The following RAB31 variants were observed in gnomAD, a reference collection of about 807,000 sequenced individuals.
RAB31 encodes ras-related protein Rab-31.
In RAB31, 21 loss-of-function variants were observed where a neutral mutation model predicts 25.6. The ratio of observed to expected loss-of-function variants is 0.82; its 90% CI spans 0.58 to 1.18. The LOEUF (loss-of-function observed/expected upper bound fraction) is 1.18. Ranked by LOEUF, RAB31 falls within the 50% of genes most tolerant of loss-of-function variation. The probability of loss-of-function intolerance (pLI) is 0.00; values close to 1 mark genes in which losing one functional copy is unlikely to be tolerated. For missense variants in RAB31, 196 were observed against 250.1 expected, an observed-to-expected ratio of 0.78 and a Z score of 1.46; for synonymous variants, 87 against 84.0, an observed-to-expected ratio of 1.04 and a Z score of -0.20.
intron 3 of RAB31, among the ~76,000 whole-genome samples, chr18:9,806,289 A>C (rs1050503519): frequency 6.6e-6 from 1 of 152,216 alleles, no homozygotes; most frequent in Non-Finnish European, 1.5e-5. Flanking sequence ...CTGGTTTCAC[A>C]GGGTTATTGA....
intron 5 of RAB31, among the ~76,000 whole-genome samples, chr18:9,840,826 T>A (rs2068729705): frequency 6.6e-6 from 1 of 152,134 alleles, no homozygotes; most frequent in South Asian, 2.1e-4. Context: ...TCTCCTCAAA[T>A]TCAGTAATTC....
intron 1 of RAB31, among the ~76,000 whole-genome samples, chr18:9,713,517 C>T (rs1263498304): frequency 6.6e-6 from 1 of 152,194 alleles, no homozygotes; most frequent in East Asian, 1.9e-4. Flanking sequence ...TGCACCCATC[C>T]CAGGCTGATG....
chr18:9,711,025 A>G (rs1030869224), intron 1 of RAB31, among the ~76,000 whole-genome samples: 2 of 151,952 alleles, frequency 1.3e-5, no homozygotes, highest in African/African-American at 4.8e-5. Context: ...AAGATTTGCC[A>G]CATCCCCTCG....
intron 1 of RAB31, among the ~76,000 whole-genome samples, chr18:9,763,356 G>T (rs866544424): frequency 6.6e-6 from 1 of 152,088 alleles, no homozygotes; most frequent in Non-Finnish European, 1.5e-5. Context: ...GAGATTATCA[G>T]ACATGGACTT....
intron 5 of RAB31, among the ~76,000 whole-genome samples, chr18:9,834,174 G>T (rs550205012): frequency 6.6e-6 from 1 of 151,962 alleles, no homozygotes; most frequent in African/African-American, 2.4e-5. Flanking sequence ...AGAGTACAAC[G>T]GTGTAATCTT....
At chr18:9,803,669 A>G (rs748204000) in intron 3 of RAB31, among the ~76,000 whole-genome samples, 6 of 152,202 alleles carry the variant, frequency 3.9e-5, no homozygotes, top group Non-Finnish European at 8.8e-5. Context: ...CTTTAAGGAG[A>G]AGCCCCAGGA....
At chr18:9,791,983 A>G (rs951440898) in intron 2 of RAB31, among the ~76,000 whole-genome samples, 171 bp from the exon 3 acceptor site, 3 of 152,152 alleles carry the variant, frequency 2.0e-5, no homozygotes, top group Non-Finnish European at 4.4e-5. Context: ...AAAATGAGAA[A>G]TATTTTATTT....
intron 5 of RAB31, among the ~76,000 whole-genome samples, chr18:9,826,165 T>C (rs1311258272): frequency 1.3e-5 from 2 of 151,516 alleles, no homozygotes; most frequent in East Asian, 3.9e-4. Context: ...TTACCTGAGG[T>C]TGGGAGTTCA....
At chr18:9,774,977 A>C in intron 1 of RAB31, 1 of 537,200 alleles carries the variant, frequency 1.9e-6, no homozygotes, top group Non-Finnish European at 3.6e-6. Context: ...CCAAGATTTC[A>C]GAATTTCTGA....
intron 2 of RAB31, 38 bp downstream of exon 2, chr18:9,775,395 C>A (rs781748688): frequency 1.2e-6 from 2 of 1,612,078 alleles, no homozygotes; most frequent in Middle Eastern, 1.7e-4. Context: ...GCGTTGCTTC[C>A]TTTCACGGCA....
intron 3 of RAB31, among the ~76,000 whole-genome samples, chr18:9,800,729 T>C (rs1455896798): frequency 6.6e-6 from 1 of 152,230 alleles, no homozygotes; most frequent in Non-Finnish European, 1.5e-5. Context: ...TGAAAATTGC[T>C]TTTGTCCACA....
At chr18:9,719,081 C>A (rs1408200800) in intron 1 of RAB31, among the ~76,000 whole-genome samples, 2 of 150,838 alleles carry the variant, frequency 1.3e-5, no homozygotes, top group East Asian at 3.9e-4. Context: ...ACCAGCCTGG[C>A]CAACATGGTG....
At chr18:9,773,914 G>T (rs1442265385) in intron 1 of RAB31, among the ~76,000 whole-genome samples, 1 of 152,050 alleles carries the variant, frequency 6.6e-6, no homozygotes, top group Admixed American at 6.6e-5. Context: ...TCCTGCTTTG[G>T]CCTCCCAAAG....
At chr18:9,729,706 A>G (rs899324388) in intron 1 of RAB31, among the ~76,000 whole-genome samples, 1 of 151,734 alleles carries the variant, frequency 6.6e-6, no homozygotes, top group African/African-American at 2.4e-5. Flanking sequence ...GTATTGATTA[A>G]TTCATAATCA....
intron 1 of RAB31, among the ~76,000 whole-genome samples, chr18:9,765,139 G>A (rs1469669040): frequency 1.3e-5 from 2 of 152,136 alleles, no homozygotes; most frequent in Non-Finnish European, 2.9e-5. Flanking sequence ...TTTTAGTAGA[G>A]ACAGGGTTTT....
intron 1 of RAB31, among the ~76,000 whole-genome samples, chr18:9,726,406 G>T (rs1444217472): frequency 6.6e-6 from 1 of 152,200 alleles, no homozygotes; most frequent in African/African-American, 2.4e-5. Context: ...ACTTGGGCAC[G>T]TATTCGCTGT....
At position 9,820,762 on chromosome 18, in the gene RAB31, T is replaced by C. The variant is rs146666858; in HGVS notation, c.380+5540T>C. ...GTGATGTCTCATTTTCCATTCCTAA[T>C]TTTAGAAATTTGAAACTTCTCTCTT... On this transcript the variant is annotated intron_variant, in intron 5 of 6. Transcript: ENST00000578921. Among the ~76,000 whole-genome samples the C allele has an allele frequency of 3.2e-4, 48 of 152,204 alleles. 1 individual carries two copies. The East Asian group carries it at 7.5e-3, about 24-fold the overall frequency.
chr18:9,720,164 A>G (rs1291255851), intron 1 of RAB31, among the ~76,000 whole-genome samples: 1 of 152,122 alleles, frequency 6.6e-6, no homozygotes, highest in Non-Finnish European at 1.5e-5. Flanking sequence ...GGGTTTCGCC[A>G]TGTTGGCCAG....
intron 3 of RAB31, among the ~76,000 whole-genome samples, chr18:9,795,801 T>C (rs1276098239): frequency 1.3e-5 from 2 of 152,188 alleles, no homozygotes; most frequent in Non-Finnish European, 2.9e-5. Flanking sequence ...TAAACTAGTA[T>C]AACCACTGTG....
Sources: allele counts gnomAD v4.1 joint callset (sites outside exome capture counted in the v4.1 genomes callset), GRCh38; gene constraint gnomAD v4.1.1; transcripts MANE v1.5; gene names NCBI Gene and HGNC (gene_info 2026-07-23, HGNC 2026-07-21).